Variants in CLSTN2 observed in about 807,000 individuals in gnomAD.
CLSTN2 encodes calsyntenin 2.
A neutral mutation model predicts 101.2 loss-of-function variants in CLSTN2; 48 were observed. The observed-to-expected ratio is 0.47, with a 90% confidence interval of 0.38 to 0.60. The LOEUF is 0.60. CLSTN2 is among the 20% of genes least tolerant of loss of function. CLSTN2 has a pLI of 0.00. For missense variants in CLSTN2, 1,160 were observed against 1,238.2 expected (o/e 0.94, Z 0.95); for synonymous variants, 481 against 463.6 (o/e 1.04, Z -0.48).
chr3:140,443,744 C>T (rs1351075422), intron 5 of CLSTN2, among the ~76,000 whole-genome samples: 1 of 152,202 alleles, frequency 6.6e-6, no homozygotes, highest in Non-Finnish European at 1.5e-5. Context: ...GGGATATTCC[C>T]ATACCGAGCC....
At chr3:140,306,227 G>A (rs1190496556) in intron 2 of CLSTN2, among the ~76,000 whole-genome samples, 1 of 152,052 alleles carries the variant, frequency 6.6e-6, no homozygotes, top group Non-Finnish European at 1.5e-5. Context: ...CAAAATGCTG[G>A]GAGCTCTGTG....
At chr3:140,068,662 T>C (rs1003745708) in intron 1 of CLSTN2, among the ~76,000 whole-genome samples, 3 of 152,242 alleles carry the variant, frequency 2.0e-5, no homozygotes, top group African/African-American at 4.8e-5. Context: ...CCTGATGGAA[T>C]ATTCAGTTTC....
At chr3:140,419,169 T>C (rs1009521372) in intron 4 of CLSTN2, among the ~76,000 whole-genome samples, 1 of 151,794 alleles carries the variant, frequency 6.6e-6, no homozygotes, top group African/African-American at 2.4e-5. Context: ...TTTTCTTTAG[T>C]TTTGATGAAA....
At chr3:140,385,506 C>T (rs1335328868) in intron 2 of CLSTN2, among the ~76,000 whole-genome samples, 1 of 151,616 alleles carries the variant, frequency 6.6e-6, no homozygotes, top group African/African-American at 2.4e-5. Context: ...GTAGCTGGGA[C>T]TACAGGTGCC....
intron 1 of CLSTN2, among the ~76,000 whole-genome samples, chr3:140,151,152 A>G (rs953059152): frequency 6.6e-6 from 1 of 152,130 alleles, no homozygotes; most frequent in South Asian, 2.1e-4. Flanking sequence ...AGATGGAACA[A>G]TAAGATCCTT....
intron 2 of CLSTN2, among the ~76,000 whole-genome samples, chr3:140,235,107 G>A (rs2086405125): frequency 6.6e-6 from 1 of 152,174 alleles, no homozygotes; most frequent in South Asian, 2.1e-4. Context: ...AATTTTTCAA[G>A]GTGGTTATGA....
At chr3:140,356,608 A>T (rs528968075) in intron 2 of CLSTN2, among the ~76,000 whole-genome samples, 2 of 152,046 alleles carry the variant, frequency 1.3e-5, no homozygotes, top group East Asian at 3.9e-4. Flanking sequence ...AAATACAAAA[A>T]TTAGCCGAGT....
chr3:139,962,199 CT>C (rs567426604), intron 1 of CLSTN2, among the ~76,000 whole-genome samples: 32 of 152,104 alleles, frequency 2.1e-4, no homozygotes, highest in Non-Finnish European at 4.0e-4. Context: ...CACCAAACTG[CT>C]TTTCAAGAGG....
intron 2 of CLSTN2, among the ~76,000 whole-genome samples, chr3:140,293,193 G>A (rs1174768485): frequency 6.6e-6 from 1 of 152,186 alleles, no homozygotes; most frequent in Non-Finnish European, 1.5e-5. Flanking sequence ...AAGAGGTATT[G>A]AAGGTGGTTC....
At chr3:140,185,963 G>A (rs1690665940) in intron 2 of CLSTN2, among the ~76,000 whole-genome samples, 2 of 152,144 alleles carry the variant, frequency 1.3e-5, no homozygotes, top group African/African-American at 2.4e-5. Context: ...TGAGATGGGT[G>A]AGTAAGAATA....
chr3:140,415,966 A>C (rs1349794622), intron 4 of CLSTN2, among the ~76,000 whole-genome samples: 1 of 152,192 alleles, frequency 6.6e-6, no homozygotes, highest in Non-Finnish European at 1.5e-5. Flanking sequence ...GACTGTTGAC[A>C]GATGAATGGA....
At chr3:140,171,944 A>G (rs1043625638) in intron 1 of CLSTN2, among the ~76,000 whole-genome samples, 1 of 140,018 alleles carries the variant, frequency 7.1e-6, no homozygotes, top group Admixed American at 8.0e-5. Context: ...CTCAGATATC[A>G]CAAAGTATGA....
chr3:140,089,064 T>A (rs1342690025), intron 1 of CLSTN2, among the ~76,000 whole-genome samples: 1 of 152,184 alleles, frequency 6.6e-6, no homozygotes, highest in African/African-American at 2.4e-5. Flanking sequence ...GCAAAACACA[T>A]TGAGTCTTTT....
chr3:140,122,249 G>T (rs1412789716), intron 1 of CLSTN2, among the ~76,000 whole-genome samples: 1 of 152,154 alleles, frequency 6.6e-6, no homozygotes, highest in Non-Finnish European at 1.5e-5. Context: ...CCCACTACAG[G>T]AACTTGTCAA....
chr3:139,995,596 T>C (rs1936188891), intron 1 of CLSTN2, among the ~76,000 whole-genome samples: 1 of 152,204 alleles, frequency 6.6e-6, no homozygotes, highest in South Asian at 2.1e-4. Context: ...TTCCATACGT[T>C]TTGTCCCAGG....
intron 1 of CLSTN2, among the ~76,000 whole-genome samples, chr3:140,080,868 A>G (rs1560088925): frequency 1.3e-5 from 2 of 152,214 alleles, no homozygotes; most frequent in Non-Finnish European, 2.9e-5. Flanking sequence ...ACGGATAAGT[A>G]CAAGGCTATA....
chr3:140,202,731 A>G (rs2010732473), intron 2 of CLSTN2, among the ~76,000 whole-genome samples: 1 of 152,154 alleles, frequency 6.6e-6, no homozygotes, highest in Admixed American at 6.5e-5. Flanking sequence ...GATAGAATAA[A>G]TGGCCAGTGT....
chr3:139,981,834 G>A (rs1388068141), intron 1 of CLSTN2, among the ~76,000 whole-genome samples: 1 of 152,342 alleles, frequency 6.6e-6, no homozygotes, highest in Non-Finnish European at 1.5e-5. Context: ...GTGCTACAAT[G>A]TAAGCAAATG....
chr3:140,306,226 G>A (rs1416764216), intron 2 of CLSTN2, among the ~76,000 whole-genome samples: 2 of 152,102 alleles, frequency 1.3e-5, no homozygotes, highest in African/African-American at 2.4e-5. Flanking sequence ...ACAAAATGCT[G>A]GGAGCTCTGT....
Sources: allele counts gnomAD v4.1 joint callset (sites outside exome capture counted in the v4.1 genomes callset), GRCh38; gene constraint gnomAD v4.1.1; transcripts MANE v1.5; gene names NCBI Gene and HGNC (gene_info 2026-07-23, HGNC 2026-07-21).